Variants in ZNF536 observed in about 807,000 individuals in gnomAD.
ZNF536 encodes the protein zinc finger protein 536.
Under a neutral mutation model 84.5 loss-of-function variants are expected in ZNF536, and 13 were observed. The observed-to-expected ratio is 0.15, with a 90% CI of 0.10 to 0.24. ZNF536 has a LOEUF of 0.24. Ranked by LOEUF, ZNF536 falls within the 10% of genes least tolerant of loss-of-function variation. ZNF536 has a pLI of 1.00. For missense variants in ZNF536, 1,536 were observed against 1,747.5 expected (o/e 0.88, Z 2.16); for synonymous variants, 811 against 742.5 (o/e 1.09, Z -1.50).
intron 2 of ZNF536, among the ~76,000 whole-genome samples, chr19:30,491,736 G>C (rs1276356641): frequency 1.3e-5 from 2 of 152,120 alleles, no homozygotes; most frequent in East Asian, 3.9e-4. Flanking sequence ...CCCCAAGCCA[G>C]TTTGGGTTGA....
chr19:30,608,272 A>G (rs1345176965), intron 1 of ZNF536, among the ~76,000 whole-genome samples: 1 of 152,142 alleles, frequency 6.6e-6, no homozygotes, highest in Non-Finnish European at 1.5e-5. Context: ...ATGGATTTCT[A>G]CTCTGCATCG....
chr19:30,709,340 A>G (rs990144375), intron 1 of ZNF536, among the ~76,000 whole-genome samples: 1 of 151,942 alleles, frequency 6.6e-6, no homozygotes, highest in Non-Finnish European at 1.5e-5. Context: ...TGCCCCTGAG[A>G]CCCTCAGACT....
intron 2 of ZNF536, among the ~76,000 whole-genome samples, chr19:30,516,477 T>C (rs547850859): frequency 3.9e-4 from 60 of 152,326 alleles, no homozygotes; most frequent in Non-Finnish European, 1.2e-4. Flanking sequence ...CCAGAAAGTC[T>C]AAAGTGTTTT....
chr19:30,485,639 G>A (rs1308864386), intron 2 of ZNF536, among the ~76,000 whole-genome samples: 1 of 150,002 alleles, frequency 6.7e-6, no homozygotes, highest in Admixed American at 6.6e-5. Context: ...TTTTAGCAAA[G>A]ACTGTGGAAT....
chr19:30,571,316 G>C (rs942082282), intron 1 of ZNF536, among the ~76,000 whole-genome samples: 1 of 152,162 alleles, frequency 6.6e-6, no homozygotes, highest in African/African-American at 2.4e-5. Flanking sequence ...CCAAAAGGCA[G>C]AGGATGGCTT....
At chr19:30,268,391 A>T (rs895044266) in intron 1 of ZNF536, among the ~76,000 whole-genome samples, 3 of 152,124 alleles carry the variant, frequency 2.0e-5, no homozygotes, top group Non-Finnish European at 4.4e-5. Flanking sequence ...TTGAATTAAA[A>T]CTTTACCTAT....
intron 3 of ZNF536, among the ~76,000 whole-genome samples, chr19:30,354,179 A>G (rs899780652): frequency 3.1e-4 from 47 of 152,162 alleles, no homozygotes; most frequent in African/African-American, 6.0e-4. Context: ...TGGACTCTGT[A>G]GAATAAACAG....
At chr19:30,315,934 T>A (rs2046663486) in intron 2 of ZNF536, among the ~76,000 whole-genome samples, 1 of 152,204 alleles carries the variant, frequency 6.6e-6, no homozygotes, top group Non-Finnish European at 1.5e-5. Flanking sequence ...TGTTTTTAGA[T>A]CAAAACATCA....
chr19:30,528,381 T>G (rs1434572506), intron 2 of ZNF536, among the ~76,000 whole-genome samples: 1 of 152,212 alleles, frequency 6.6e-6, no homozygotes, highest in Non-Finnish European at 1.5e-5. Context: ...TCACTCTGCC[T>G]CTTTTGGTTT....
chr19:30,569,227 C>T (rs984137380), intron 1 of ZNF536, among the ~76,000 whole-genome samples: 2 of 151,936 alleles, frequency 1.3e-5, no homozygotes, highest in Non-Finnish European at 2.9e-5. Context: ...GTATATATCA[C>T]GTAATAAATT....
At chr19:30,664,731 C>G (rs2050254390) in intron 1 of ZNF536, among the ~76,000 whole-genome samples, 1 of 152,168 alleles carries the variant, frequency 6.6e-6, no homozygotes, top group African/African-American at 2.4e-5. Context: ...AAATCCTGGC[C>G]TTTGAACACA....
intron 2 of ZNF536, among the ~76,000 whole-genome samples, chr19:30,344,640 A>T (rs957978872): frequency 6.6e-6 from 1 of 151,262 alleles, no homozygotes; most frequent in Non-Finnish European, 1.5e-5. Context: ...TCACTGAGCG[A>T]GTCCCTCGCT....
rs2148189208 is a variant in ZNF536, at chr19:30,444,570, C to T, written c.1008C>T (p.Gly336=). 2 of 1,613,622 alleles carry T rather than the reference C, an allele frequency of 1.2e-6. No individual in the cohort carries two copies. Among genetic ancestry groups the T allele is most frequent in the Non-Finnish European group, 8.5e-7 (1 of 1,179,990 alleles). Residue 336 remains glycine, a synonymous_variant, in exon 2 of 5, where the codon GGC becomes GGT. Coordinates refer to ENST00000355537, the MANE Select transcript of ZNF536 (RefSeq NM_014717.3). ...CGGCCCAGGGCCAGGGCCCCAACGGCGGTGGCGAGCAGTCGGCCAACGAGT... is the reference window on the plus strand; with the variant it reads ...CGGCCCAGGGCCAGGGCCCCAACGGTGGTGGCGAGCAGTCGGCCAACGAGT... ...AESAQGQGPN[G]GGEQSANEFR... is the part of the protein sequence containing the mutation.
chr19:30,516,664 C>G (rs140368677), intron 2 of ZNF536, among the ~76,000 whole-genome samples: 2 of 152,132 alleles, frequency 1.3e-5, no homozygotes, highest in Admixed American at 6.5e-5. Flanking sequence ...GGCAAACCCA[C>G]GGGGTACTCT....
rs115883498 is a variant in ZNF536 at position 30,309,669 on chromosome 19, A to G, written c.-120+25528A>G. On this transcript the variant is annotated intron_variant, in intron 2 of 5. Transcript: ENST00000585628. ...GGGTGTCTTAAAAACTTTCGTAAGAACACATTATTTATGTGAGACCTCCTC... is the reference window on the plus strand; with the variant it reads ...GGGTGTCTTAAAAACTTTCGTAAGAGCACATTATTTATGTGAGACCTCCTC... Among the ~76,000 whole-genome samples, 817 of 152,360 alleles carry G rather than the reference A, an allele frequency of 5.4e-3. 5 individuals are homozygous for G. Among genetic ancestry groups the G allele is most frequent in the South Asian group, 0.037 (177 of 4,828 alleles).
intron 1 of ZNF536, among the ~76,000 whole-genome samples, chr19:30,612,585 T>A (rs1434557396): frequency 6.6e-6 from 1 of 152,244 alleles, no homozygotes; most frequent in African/African-American, 2.4e-5. Flanking sequence ...GACTTGTAGA[T>A]CTGTTAACTA....
At chr19:30,455,564 G>C (rs571770959) in intron 2 of ZNF536, among the ~76,000 whole-genome samples, 1 of 152,180 alleles carries the variant, frequency 6.6e-6, no homozygotes, top group East Asian at 1.9e-4. Flanking sequence ...TAGCCAGAGC[G>C]GTGGCATATG....
At chr19:30,657,035 C>T (rs1224008111) in intron 1 of ZNF536, among the ~76,000 whole-genome samples, 1 of 152,172 alleles carries the variant, frequency 6.6e-6, no homozygotes, top group African/African-American at 2.4e-5. Context: ...GTAAATATTT[C>T]ATCCGAAACC....
chr19:30,433,458 T>A (rs2051570680), intron 1 of ZNF536, among the ~76,000 whole-genome samples: 1 of 152,228 alleles, frequency 6.6e-6, no homozygotes, highest in Non-Finnish European at 1.5e-5. Context: ...ACTATATAGA[T>A]CCTCTGATAA....
Sources: gnomAD v4.1 joint callset for allele counts (sites outside exome capture counted in the v4.1 genomes callset) on GRCh38, gnomAD v4.1.1 for gene constraint, MANE v1.5 for transcripts, NCBI Gene and HGNC (gene_info 2026-07-23, HGNC 2026-07-21) for gene names.